DMD: variants seen among roughly 807,000 people sequenced by gnomAD.
The protein encoded by DMD is dystrophin.
A neutral mutation model predicts 330.1 loss-of-function variants in DMD; 63 were observed. That is an observed-to-expected ratio of 0.19 (90% CI 0.16 to 0.24). The LOEUF (loss-of-function observed/expected upper bound fraction) is 0.24, where lower values mean the gene tolerates loss of function less well. DMD is among the 10% of genes least tolerant of loss of function. The pLI, the probability that DMD is intolerant of heterozygous loss-of-function variation, is 1.00. For missense variants in DMD, 3,344 were observed against 2,684.1 expected, an observed-to-expected ratio of 1.25 and a Z score of -5.43; for synonymous variants, 1,223 against 959.8, an observed-to-expected ratio of 1.27 and a Z score of -5.07.
chrX:31,930,814 T>A (rs1247664797), intron 46 of DMD, among the ~76,000 whole-genome samples: 1 of 112,169 alleles, frequency 8.9e-6, no homozygotes, highest in Non-Finnish European at 1.9e-5. Flanking sequence ...TATATTACTA[T>A]ATATGACACT....
At chrX:32,499,399 AT>A (rs769315290) in intron 19 of DMD, among the ~76,000 whole-genome samples, 145 of 111,542 alleles carry the variant, frequency 1.3e-3, no homozygotes, top group African/African-American at 1.6e-3. Context: ...ATACGCACAT[AT>A]TTTTATTAGT....
In DMD at chrX:32,983,811, C is replaced by A. The variant is rs759375987; in HGVS notation, c.93+36328G>T. On this transcript the variant is annotated intron_variant, in intron 2 of 78. Transcript: ENST00000357033. ...ATTTTTTTATTTTCTGTTTGGATTT[C>A]ACTAGATGTTCTTATTGATTTTATT... is the stretch of plus-strand genomic sequence containing the variant. 4.5e-5 allele frequency among the ~76,000 whole-genome samples: 5 copies of A among 110,633 alleles called. No individual in the cohort carries two copies. In the East Asian group the frequency reaches 1.4e-3, roughly 32 times the overall value.
chrX:32,640,013 G>A (rs1388097612), intron 11 of DMD, among the ~76,000 whole-genome samples: 2 of 109,584 alleles, frequency 1.8e-5, no homozygotes, highest in African/African-American at 6.6e-5. Context: ...ACTAGCCTGG[G>A]AAACATAACA....
chrX:32,342,016 TG>T, intron 41 of DMD, 83 bp downstream of exon 41: 2 of 949,830 alleles, frequency 2.1e-6, no homozygotes, highest in Non-Finnish European at 2.9e-6. Context: ...CCAGATTTTT[TG>T]TCTCTTTTTT....
chrX:32,731,821 G>A (rs763104468), intron 7 of DMD, among the ~76,000 whole-genome samples: 20 of 111,966 alleles, frequency 1.8e-4, no homozygotes, highest in East Asian at 8.4e-4. Flanking sequence ...AAGAAACAGA[G>A]CAGAAAAACT....
chrX:32,807,716 T>C (rs753792372), intron 7 of DMD, among the ~76,000 whole-genome samples: 221 of 111,712 alleles, frequency 2.0e-3, no homozygotes, highest in Middle Eastern at 0.014. Context: ...TGTGGATATA[T>C]ACATAGGTGT....
At chrX:32,682,737 T>G (rs1413399308) in intron 9 of DMD, among the ~76,000 whole-genome samples, 1 of 112,024 alleles carries the variant, frequency 8.9e-6, no homozygotes, top group Non-Finnish European at 1.9e-5. Flanking sequence ...CTTTCTACCT[T>G]TGAGACATGT....
chrX:32,833,613 T>C (rs2079339975), intron 4 of DMD, among the ~76,000 whole-genome samples: 1 of 105,747 alleles, frequency 9.5e-6, no homozygotes, highest in Non-Finnish European at 1.9e-5. Flanking sequence ...TCTGGCAATA[T>C]AGGATGTAAC....
intron 7 of DMD, among the ~76,000 whole-genome samples, chrX:32,786,857 C>T (rs2075398465): frequency 8.9e-6 from 1 of 111,744 alleles, no homozygotes; most frequent in Non-Finnish European, 1.9e-5. Flanking sequence ...ATAATAGTCT[C>T]TACCTCCTAG....
At chrX:33,334,818 C>T (rs2054228158) in intron 1 of DMD, among the ~76,000 whole-genome samples, 1 of 111,112 alleles carries the variant, frequency 9.0e-6, no homozygotes, top group Non-Finnish European at 1.9e-5. Flanking sequence ...TGATTGGACT[C>T]ACAGATTCTT....
At chrX:32,696,633 G>A (rs1286901341) in intron 9 of DMD, among the ~76,000 whole-genome samples, 1 of 111,438 alleles carries the variant, frequency 9.0e-6, no homozygotes, top group East Asian at 2.8e-4. Context: ...TGTGCTACCA[G>A]AATAGGCATT....
intron 74 of DMD, 35 bp downstream of exon 74, chrX:31,169,408 T>C: frequency 1.8e-6 from 2 of 1,139,264 alleles, no homozygotes; most frequent in Non-Finnish European, 2.4e-6. Context: ...GTATGCACTC[T>C]GCATACCAAT....
At chrX:31,414,497 A>G (rs1236926793) in intron 60 of DMD, among the ~76,000 whole-genome samples, 1 of 112,085 alleles carries the variant, frequency 8.9e-6, no homozygotes, top group East Asian at 2.8e-4. Flanking sequence ...GTAAGGGTGA[A>G]AAATTGTAAG....
chrX:32,336,455 C>T (rs2097716049), intron 41 of DMD, among the ~76,000 whole-genome samples: 1 of 112,042 alleles, frequency 8.9e-6, no homozygotes, highest in Non-Finnish European at 1.9e-5. Flanking sequence ...AATTACTCTG[C>T]TGTAGGACAA....
At chrX:32,892,657 G>A (rs1387054267) in intron 2 of DMD, among the ~76,000 whole-genome samples, 4 of 111,641 alleles carry the variant, frequency 3.6e-5, no homozygotes, top group Non-Finnish European at 7.5e-5. Context: ...TCAGCCTCCC[G>A]AAGTGCTGGG....
intron 45 of DMD, among the ~76,000 whole-genome samples, chrX:31,947,512 C>T (rs1452760738): frequency 8.9e-6 from 1 of 112,158 alleles, no homozygotes. Context: ...CCCCGACTGA[C>T]TACGATGGTT....
intron 44 of DMD, chrX:32,206,408 T>C (rs781070616): frequency 2.2e-5 from 11 of 504,435 alleles, no homozygotes; most frequent in Non-Finnish European, 3.2e-5. Context: ...ATTTTGATGA[T>C]GAGGAAACTG....
chrX:33,330,987 C>T (rs2054164754), intron 1 of DMD, among the ~76,000 whole-genome samples: 1 of 111,972 alleles, frequency 8.9e-6, no homozygotes, highest in African/African-American at 3.2e-5. Flanking sequence ...ATATTTTTCT[C>T]TTCTCATCCA....
At chrX:31,465,025 C>T (rs181909031) in intron 59 of DMD, among the ~76,000 whole-genome samples, 197 of 111,906 alleles carry the variant, frequency 1.8e-3, no homozygotes, top group South Asian at 9.3e-3. Context: ...ACAGCGCTAT[C>T]TAAAATCAGA....
Sources: allele counts gnomAD v4.1 joint callset (sites outside exome capture counted in the v4.1 genomes callset), GRCh38; gene constraint gnomAD v4.1.1; transcripts MANE v1.5; gene names NCBI Gene and HGNC (gene_info 2026-07-23, HGNC 2026-07-21).